Variants in NT5DC3 observed in about 807,000 individuals in gnomAD.
NT5DC3 encodes 5'-nucleotidase domain containing 3.
Under a neutral mutation model 67.8 loss-of-function variants are expected in NT5DC3, and 42 were observed. The observed-to-expected ratio is 0.62, with a 90% CI of 0.48 to 0.80. The LOEUF (loss-of-function observed/expected upper bound fraction) is 0.80, where lower values mean the gene tolerates loss of function less well. Among genes scored for constraint, NT5DC3 ranks in the 30% least tolerant of loss-of-function variants. The probability of loss-of-function intolerance (pLI) is 0.00; values close to 1 mark genes in which losing one functional copy is unlikely to be tolerated. For missense variants in NT5DC3, 570 were observed against 696.4 expected, an observed-to-expected ratio of 0.82 and a Z score of 2.04; for synonymous variants, 237 against 255.6, an observed-to-expected ratio of 0.93 and a Z score of 0.69.
chr12:103,836,368 A>G (rs1470620466), intron 1 of NT5DC3, among the ~76,000 whole-genome samples: 6 of 152,194 alleles, frequency 3.9e-5, no homozygotes, highest in African/African-American at 1.4e-4. Flanking sequence ...TCCCAGATAC[A>G]ATGGCGGTAC....
chr12:103,821,647 A>G (rs1887495013), intron 1 of NT5DC3, among the ~76,000 whole-genome samples: 1 of 152,232 alleles, frequency 6.6e-6, no homozygotes, highest in Admixed American at 6.5e-5. Flanking sequence ...GGCCACTGCT[A>G]GGAACCTGGA....
chr12:103,793,017 A>G (rs1866294), intron 9 of NT5DC3, 147 bp downstream of exon 9: 256,558 of 652,232 alleles, frequency 0.39, 57,911 homozygotes, highest in East Asian at 0.86. Context: ...CACTCTCCTC[A>G]TGATTACTTG....
chr12:103,777,675 A>C lies in NT5DC3; in HGVS notation c.*154T>G. On this transcript the variant is annotated 3_prime_UTR_variant, in exon 14 of 14. Coordinates refer to ENST00000392876, the MANE Select transcript of NT5DC3 (RefSeq NM_001031701.3). ...GGGGTGGGCTGCTAGCTCCTGTCTT[A>C]ACCATTGGGAGAATTATTCTCCGTA... 1 of 892,716 alleles carries C rather than the reference A, an allele frequency of 1.1e-6. No individual in the cohort carries two copies. The highest frequency in any genetic ancestry group is 1.7e-6 in the Non-Finnish European group (1 of 594,692). 55.3% of individuals were successfully genotyped at this position (892,716 alleles called of 1,614,324 possible).
chr12:103,816,600 A>AT (rs961310190), intron 1 of NT5DC3, among the ~76,000 whole-genome samples: 1 of 151,892 alleles, frequency 6.6e-6, no homozygotes, highest in Non-Finnish European at 1.5e-5. Context: ...CATGATTTCT[A>AT]TTTTTTTCTT....
At chr12:103,821,911 T>C (rs770227941) in intron 1 of NT5DC3, 11 of 152,236 alleles carry the variant, frequency 7.2e-5, no homozygotes, top group Non-Finnish European at 1.6e-4. Flanking sequence ...TGTAGCTGAA[T>C]ACTGACCAGA....
downstream of NT5DC3, chr12:103,766,160 C>T (rs778941357): frequency 5.6e-5 from 72 of 1,296,810 alleles, no homozygotes; most frequent in Admixed American, 9.1e-5. Flanking sequence ...CAAACAAACA[C>T]GCCCAGCACA....
At chr12:103,822,853 G>A (rs578064871) in intron 1 of NT5DC3, among the ~76,000 whole-genome samples, 9 of 152,256 alleles carry the variant, frequency 5.9e-5, no homozygotes, top group East Asian at 1.9e-4. Context: ...TAGAGATATA[G>A]GTAAAGATTT....
intron 1 of NT5DC3, among the ~76,000 whole-genome samples, chr12:103,821,066 G>A (rs1387981249): frequency 6.6e-6 from 1 of 152,192 alleles, no homozygotes; most frequent in African/African-American, 2.4e-5. Flanking sequence ...GTCACTTCTA[G>A]AGCTGGGCAC....
intron 5 of NT5DC3, among the ~76,000 whole-genome samples, chr12:103,797,466 G>A (rs1235751191): frequency 7.5e-6 from 1 of 133,414 alleles, no homozygotes; most frequent in African/African-American, 2.7e-5. Flanking sequence ...GCAAAACTCT[G>A]CCTTAAAAAA....
intron 10 of NT5DC3, 113 bp from the exon 11 acceptor site, chr12:103,787,640 T>A: frequency 1.9e-6 from 1 of 534,752 alleles, no homozygotes; most frequent in Non-Finnish European, 3.2e-6. Flanking sequence ...ATTTTAAATA[T>A]CAAAATATAA....
chr12:103,829,801 ATT>A (rs771654423), intron 1 of NT5DC3, among the ~76,000 whole-genome samples: 1 of 149,638 alleles, frequency 6.7e-6, no homozygotes, highest in Non-Finnish European at 1.5e-5. Flanking sequence ...GACCTTTGGG[ATT>A]TTTTTTCCTG....
At chr12:103,814,526 A>G (rs546163120) in intron 2 of NT5DC3, among the ~76,000 whole-genome samples, 8 of 152,368 alleles carry the variant, frequency 5.3e-5, no homozygotes, top group Admixed American at 2.0e-4. Flanking sequence ...ATCAGAAGAA[A>G]GACATTCAAA....
rs764469185 is a variant in NT5DC3 at position 103,785,446 on chromosome 12, A to C, written c.1218T>G (p.Thr406=). The C allele has an allele frequency of 9.9e-6, 16 of 1,614,052 alleles. No homozygotes were observed. The South Asian group carries it at 1.6e-4, about 17-fold the overall frequency. The change falls in exon 12 of 14, where the codon ACT becomes ACG. Residue 406 remains threonine, a synonymous_variant. Transcript: ENST00000392876. ...ADLTLKHGWR[T]GAIIPELRSE... is the part of the protein sequence containing the mutation. ...ATCTCAACTCTGGGATGATTGCACC[A>C]GTCCTCCAGCCATGCTTTAGGGTCA...
chr12:103,774,580 A>C lies in NT5DC3; in HGVS notation c.*3249T>G, dbSNP rs1188272692. 6.7e-6 allele frequency: 1 copy of C among 149,150 alleles called. No homozygotes were observed. The highest frequency in any genetic ancestry group is 1.5e-5 in the Non-Finnish European group (1 of 67,674). 9.2% of individuals were successfully genotyped at this position (149,150 alleles called of 1,614,324 possible). ...GCACCTGTAATCCCAGCTACTCGGG[A>C]GGCTGAGGCAGGAGAATCACTTGAA... On this transcript the variant is annotated 3_prime_UTR_variant, in exon 14 of 14. Transcript: ENST00000392876.
Position 103,778,051 on chromosome 12 carries a change from C to T in NT5DC3, c.1425G>A (p.Gln475=), listed in dbSNP as rs771399204. 4.3e-6 allele frequency: 7 copies of T among 1,613,676 alleles called. No homozygotes were observed. Among genetic ancestry groups the T allele is most frequent in the Non-Finnish European group, 5.9e-6 (7 of 1,179,848 alleles). The change falls in exon 14 of 14, where the codon CAG becomes CAA. Residue 475 remains glutamine (Q), a synonymous_variant. Transcript: ENST00000392876. ...REMTKSFFNA[Q]FGSLFRTDQN... ...GGTCTGTGCGGAACAGGCTTCCAAA[C>T]TGGGCATTGAAGAAACTCTTGGTCA...
At chr12:103,840,350 G>C (rs114653742) in intron 1 of NT5DC3, among the ~76,000 whole-genome samples, 175 of 146,058 alleles carry the variant, frequency 1.2e-3, no homozygotes, top group African/African-American at 4.3e-3. Context: ...TCCCCACCTG[G>C]ACCTCTCCTC....
chr12:103,790,748 T>G (rs1196805563), intron 9 of NT5DC3, among the ~76,000 whole-genome samples: 1 of 128,570 alleles, frequency 7.8e-6, no homozygotes, highest in Non-Finnish European at 1.6e-5. Flanking sequence ...TCGCCCAGGC[T>G]GGAGTGCAGT....
chr12:103,789,678 T>TA (rs140823205), intron 9 of NT5DC3, among the ~76,000 whole-genome samples: 2,597 of 152,172 alleles, frequency 0.017, 80 homozygotes, highest in African/African-American at 0.059. Context: ...CCACTCCAGA[T>TA]AAAAAACAAA....
chr12:103,783,236 T>C (rs1885632319), intron 12 of NT5DC3, among the ~76,000 whole-genome samples: 1 of 152,230 alleles, frequency 6.6e-6, no homozygotes, highest in Non-Finnish European at 1.5e-5. Context: ...GATGTTTTTT[T>C]AGTTAGCAGC....
Sources: allele counts gnomAD v4.1 joint callset (sites outside exome capture counted in the v4.1 genomes callset), GRCh38; gene constraint gnomAD v4.1.1; transcripts MANE v1.5; gene names NCBI Gene and HGNC (gene_info 2026-07-23, HGNC 2026-07-21).